Variants in TARBP1 observed in about 807,000 individuals in gnomAD.
TARBP1 encodes tRNA guanosine 2 -O-methyltransferase TARBP1.
Under a neutral mutation model 178.6 loss-of-function variants are expected in TARBP1, and 144 were observed. The ratio of observed to expected loss-of-function variants is 0.81; its 90% CI spans 0.70 to 0.93. The LOEUF (loss-of-function observed/expected upper bound fraction) is 0.93. TARBP1 is among the 40% of genes least tolerant of loss of function. The pLI, the probability that TARBP1 is intolerant of heterozygous loss-of-function variation, is 0.00. For missense variants in TARBP1, 2,067 were observed against 2,011.7 expected (o/e 1.03, Z -0.53); for synonymous variants, 787 against 781.0 (o/e 1.01, Z -0.13).
intron 13 of TARBP1, among the ~76,000 whole-genome samples, chr1:234,435,089 T>C (rs1056048358): frequency 4.6e-5 from 7 of 152,114 alleles, no homozygotes; most frequent in Admixed American, 6.6e-5. Context: ...TTAAATTGAG[T>C]CTGCTTAAAG....
At chr1:234,398,323 A>G (rs1572204665) in intron 26 of TARBP1, 59 bp downstream of exon 26, 4 of 1,447,960 alleles carry the variant, frequency 2.8e-6, no homozygotes, top group Non-Finnish European at 3.7e-6. Context: ...AGTAACTTAA[A>G]TCAAAAAAAT....
chr1:234,471,385 T>C (rs985125789), intron 2 of TARBP1, 128 bp from the exon 3 acceptor site: 1 of 650,420 alleles, frequency 1.5e-6, no homozygotes, highest in Non-Finnish European at 2.7e-6. Flanking sequence ...GAGCCTGATT[T>C]ATCCAGTTTT....
chr1:234,477,291 G>A (rs1669655431), intron 1 of TARBP1, among the ~76,000 whole-genome samples: 1 of 152,144 alleles, frequency 6.6e-6, no homozygotes, highest in Non-Finnish European at 1.5e-5. Context: ...AAACTCTCAG[G>A]GATGATCACA....
At position 234,433,459 on chromosome 1, in the gene TARBP1, A is replaced by G; in HGVS notation, c.2345T>C (p.Leu782Pro). 1 of 1,613,982 alleles carries G rather than the reference A, an allele frequency of 6.2e-7. No homozygotes were observed. The highest frequency in any genetic ancestry group is 8.5e-7 in the Non-Finnish European group (1 of 1,179,982). Residue 782 changes from leucine (L) to proline (P), a missense_variant, in exon 14 of 30, where the codon CTT (leucine) becomes CCT (proline). Transcript: ENST00000040877. ...ATGCTGAATGGATGCATTTTTCAAA[A>G]GAGAAATAACTCTCCAGATAGGGTT... is the stretch of plus-strand genomic sequence containing the variant. ...RGNPIWRVIS[L>P]LKNASIQHLQ...
intron 22 of TARBP1, among the ~76,000 whole-genome samples, chr1:234,414,132 T>G (rs573472351): frequency 6.6e-6 from 1 of 152,222 alleles, no homozygotes; most frequent in East Asian, 1.9e-4. Context: ...CACAAAAACA[T>G]GGCTTTGTGG....
Position 234,450,421 on chromosome 1 carries a change from G to C in TARBP1, c.1861+7C>G, listed in dbSNP as rs1666630175. On this transcript the variant is annotated splice_region_variant and intron_variant, in intron 10 of 29. Coordinates refer to ENST00000040877, the MANE Select transcript of TARBP1 (RefSeq NM_005646.4). The stretch of plus-strand genomic sequence containing the variant: ...ATATCAATCCATAAAAATGATTGCA[G>C]ACTTACTTTCCCAAGCAGATGACTT... 3.9e-6 allele frequency: 6 copies of C among 1,557,706 alleles called. No homozygotes were observed. Among genetic ancestry groups the C allele is most frequent in the African/African-American group, 1.4e-5 (1 of 71,370 alleles).
intron 1 of TARBP1, among the ~76,000 whole-genome samples, chr1:234,474,259 C>T (rs1669362046): frequency 6.7e-6 from 1 of 149,756 alleles, no homozygotes; most frequent in Non-Finnish European, 1.5e-5. Context: ...CACACACACA[C>T]ACACACACAC....
intron 24 of TARBP1, among the ~76,000 whole-genome samples, chr1:234,401,786 T>C (rs1191388612): frequency 1.3e-5 from 2 of 152,198 alleles, no homozygotes; most frequent in African/African-American, 4.8e-5. Flanking sequence ...GCTCCTGCCC[T>C]GACCAGTGTG....
intron 9 of TARBP1, among the ~76,000 whole-genome samples, chr1:234,452,755 G>A (rs991107249): frequency 6.6e-6 from 1 of 152,156 alleles, no homozygotes; most frequent in African/African-American, 2.4e-5. Context: ...ACAAAAACCT[G>A]CATAAAGATG....
In TARBP1 at chr1:234,463,948, G is replaced by C; in HGVS notation, c.1302-14C>G. 1 of 1,519,020 alleles carries C rather than the reference G, an allele frequency of 6.6e-7. No homozygotes were observed. Among genetic ancestry groups the C allele is most frequent in the Non-Finnish European group, 8.9e-7 (1 of 1,125,898 alleles). 94.1% of individuals were successfully genotyped at this position (1,519,020 alleles called of 1,614,324 possible). ...TGGCCTGGGGACCTACAAACAGAGA[G>C]TGGGGAAAACAAATATTTAACATTT... On this transcript the variant is annotated splice_polypyrimidine_tract_variant and intron_variant, in intron 5 of 29. Transcript: ENST00000040877.
intron 20 of TARBP1, among the ~76,000 whole-genome samples, chr1:234,425,210 C>A (rs749507403): frequency 6.6e-6 from 1 of 151,868 alleles, no homozygotes; most frequent in Non-Finnish European, 1.5e-5. Context: ...CCAGCCTGGG[C>A]GACAGAGCAA....
intron 1 of TARBP1, among the ~76,000 whole-genome samples, chr1:234,473,555 C>T (rs987503879): frequency 1.3e-5 from 2 of 152,210 alleles, no homozygotes; most frequent in African/African-American, 4.8e-5. Flanking sequence ...TCCTAGAATG[C>T]TGGCCAGGCC....
chr1:234,457,270 T>C (rs1318943859), intron 9 of TARBP1, among the ~76,000 whole-genome samples: 1 of 152,132 alleles, frequency 6.6e-6, no homozygotes, highest in Admixed American at 6.5e-5. Flanking sequence ...AACTCAGAAT[T>C]ACCAAAACAT....
chr1:234,469,269 C>T (rs1004617122), intron 3 of TARBP1, among the ~76,000 whole-genome samples: 2 of 151,574 alleles, frequency 1.3e-5, no homozygotes, highest in African/African-American at 4.8e-5. Context: ...GAGAAAAATA[C>T]TCAGCATTTT....
chr1:234,477,428 TAG>T (rs1017610025), intron 1 of TARBP1, among the ~76,000 whole-genome samples: 1 of 152,220 alleles, frequency 6.6e-6, no homozygotes, highest in African/African-American at 2.4e-5. Context: ...GTTGAAAAAG[TAG>T]AAATATTCTA....
intron 24 of TARBP1, among the ~76,000 whole-genome samples, chr1:234,403,905 CT>C (rs1660958141): frequency 6.6e-6 from 1 of 152,136 alleles, no homozygotes; most frequent in Non-Finnish European, 1.5e-5. Context: ...TCAGGCTGGT[CT>C]CGAACTCCTG....
Position 234,425,773 on chromosome 1 carries a change from T to C in TARBP1, c.3344A>G (p.Tyr1115Cys), listed in dbSNP as rs772726842. 6.3e-7 allele frequency: 1 copy of C among 1,592,534 alleles called. No homozygotes were observed. The highest frequency in any genetic ancestry group is 8.6e-7 in the Non-Finnish European group (1 of 1,162,462). ...VMENTKREDH[Y>C]VRICAVKFLC... The stretch of plus-strand genomic sequence containing the variant: ...GAATTTGACAGCACAAATTCTCACA[T>C]AATGGTCTTCTCTCTTAGTACTAAA... Residue 1115 changes from tyrosine (Y) to cysteine (C), a missense_variant, in exon 20 of 30, where the codon TAT becomes TGT. Tyr to Cys is a radical substitution (Grantham distance 194). Transcript: ENST00000040877.
chr1:234,460,549 C>G (rs1163506446), intron 6 of TARBP1, among the ~76,000 whole-genome samples, 153 bp from the exon 7 acceptor site: 2 of 152,234 alleles, frequency 1.3e-5, no homozygotes, highest in Admixed American at 6.5e-5. Flanking sequence ...ACAGACAATA[C>G]TCAGAGTTGG....
At chr1:234,416,578 T>A (rs1456258689) in intron 22 of TARBP1, among the ~76,000 whole-genome samples, 1 of 152,226 alleles carries the variant, frequency 6.6e-6, no homozygotes, top group African/African-American at 2.4e-5. Context: ...ATTATAGGCA[T>A]GAGCCGCCAC....
Sources: gnomAD v4.1 joint callset for allele counts (sites outside exome capture counted in the v4.1 genomes callset) on GRCh38, gnomAD v4.1.1 for gene constraint, MANE v1.5 for transcripts, NCBI Gene and HGNC (gene_info 2026-07-23, HGNC 2026-07-21) for gene names.